The following UBE2R2 variants were observed in gnomAD, a reference collection of about 807,000 sequenced individuals.
UBE2R2 encodes ubiquitin-conjugating enzyme E2 R2.
Under a neutral mutation model 27.8 loss-of-function variants are expected in UBE2R2, and 1 was observed. That is an observed-to-expected ratio of 0.04 (90% confidence interval 0.01 to 0.17). UBE2R2 has a LOEUF of 0.17. Ranked by LOEUF, UBE2R2 falls within the 10% of genes least tolerant of loss-of-function variation. The pLI, the probability that UBE2R2 is intolerant of heterozygous loss-of-function variation, is 1.00. For synonymous variants in UBE2R2, 106 were observed against 113.3 expected, an observed-to-expected ratio of 0.94 and a Z score of 0.41; for missense variants, 100 against 291.0, an observed-to-expected ratio of 0.34 and a Z score of 4.78.
chr9:33,903,471 AG>A (rs1181597619), intron 3 of UBE2R2, among the ~76,000 whole-genome samples: 5 of 152,170 alleles, frequency 3.3e-5, no homozygotes, highest in Non-Finnish European at 7.3e-5. Context: ...GCCCCAAACA[AG>A]ATTTTCCTCA....
intron 1 of UBE2R2, among the ~76,000 whole-genome samples, chr9:33,854,785 C>G (rs1192509890): frequency 6.7e-6 from 1 of 150,304 alleles, no homozygotes; most frequent in South Asian, 2.1e-4. Flanking sequence ...GTGGCATGAT[C>G]ACAGCCCACT....
intron 1 of UBE2R2, among the ~76,000 whole-genome samples, chr9:33,883,016 G>T (rs1821764337): frequency 6.6e-6 from 1 of 152,118 alleles, no homozygotes; most frequent in African/African-American, 2.4e-5. Flanking sequence ...TTGAACCCAG[G>T]AAGTGGAAGT....
At chr9:33,905,196 A>G (rs190127942) in intron 3 of UBE2R2, among the ~76,000 whole-genome samples, 5 of 152,348 alleles carry the variant, frequency 3.3e-5, no homozygotes, top group Non-Finnish European at 7.3e-5. Context: ...TTTCAAAAAT[A>G]AAGCGTGAAA....
chr9:33,816,145 G>T (rs1314682856), upstream of UBE2R2, among the ~76,000 whole-genome samples: 1 of 152,204 alleles, frequency 6.6e-6, no homozygotes, highest in East Asian at 1.9e-4. Flanking sequence ...TTGGAACCAA[G>T]ATCTGTCTAG....
At chr9:33,868,900 C>G (rs1218397730) in intron 1 of UBE2R2, among the ~76,000 whole-genome samples, 2 of 152,140 alleles carry the variant, frequency 1.3e-5, no homozygotes, top group Non-Finnish European at 2.9e-5. Context: ...GACTAGGAAA[C>G]TTTTTCACCT....
intron 1 of UBE2R2, among the ~76,000 whole-genome samples, chr9:33,865,844 T>G (rs1366699810): frequency 1.3e-5 from 2 of 151,678 alleles, no homozygotes; most frequent in African/African-American, 2.4e-5. Context: ...TGTTTTTTTT[T>G]TTTTGAGATG....
At chr9:33,909,429 A>C (rs1822437786) in intron 3 of UBE2R2, among the ~76,000 whole-genome samples, 1 of 152,212 alleles carries the variant, frequency 6.6e-6, no homozygotes, top group African/African-American at 2.4e-5. Flanking sequence ...CGGAGGTTGC[A>C]GTGAGCCAAG....
Position 33,868,426 on chromosome 9 carries a change from A to G in UBE2R2, c.178-18455A>G, listed in dbSNP as rs897239487. The G allele has an allele frequency of 2.0e-5, 3 of 152,028 alleles. No individual in the cohort carries two copies. In the East Asian group the frequency reaches 5.8e-4, roughly 29 times the overall value. The allele number at this position is 152,028 out of a possible 1,614,324, so 9.4% of individuals were successfully genotyped here. A position where few individuals can be genotyped will look rare whatever the true frequency, so the allele number is the denominator to read the frequency against. On this transcript the variant is annotated intron_variant, in intron 1 of 4. Transcript: ENST00000263228. ...ACATTATATAGCCTTACTAGGGGGGATGTGTGTGTGTACACACACTTTTTT... is the reference window on the plus strand; with the variant it reads ...ACATTATATAGCCTTACTAGGGGGGGTGTGTGTGTGTACACACACTTTTTT...
intron 1 of UBE2R2, among the ~76,000 whole-genome samples, chr9:33,821,065 C>G (rs1397608653): frequency 6.6e-6 from 1 of 152,164 alleles, no homozygotes; most frequent in Non-Finnish European, 1.5e-5. Context: ...ATTTTGCTAC[C>G]TAAGCAAGTC....
At chr9:33,855,775 C>T (rs1365214205) in intron 1 of UBE2R2, among the ~76,000 whole-genome samples, 1 of 152,210 alleles carries the variant, frequency 6.6e-6, no homozygotes, top group Non-Finnish European at 1.5e-5. Flanking sequence ...CAGCCTGCAT[C>T]TGTTTTCATT....
At chr9:33,861,543 G>C (rs1232321105) in intron 1 of UBE2R2, among the ~76,000 whole-genome samples, 1 of 151,894 alleles carries the variant, frequency 6.6e-6, no homozygotes, top group Non-Finnish European at 1.5e-5. Flanking sequence ...AGTGAGCTGA[G>C]ATCATGCCAC....
intron 1 of UBE2R2, among the ~76,000 whole-genome samples, chr9:33,840,346 G>C (rs1004880140): frequency 6.6e-6 from 1 of 152,014 alleles, no homozygotes; most frequent in South Asian, 2.1e-4. Flanking sequence ...TTATCACCGT[G>C]TACATTCTTA....
chr9:33,841,005 A>G (rs1019806396), intron 1 of UBE2R2, among the ~76,000 whole-genome samples: 1 of 151,604 alleles, frequency 6.6e-6, no homozygotes, highest in Non-Finnish European at 1.5e-5. Flanking sequence ...ACTCACTGCA[A>G]CCTCTGCCCC....
intron 1 of UBE2R2, among the ~76,000 whole-genome samples, chr9:33,869,487 C>G (rs1821435938): frequency 6.6e-6 from 1 of 150,836 alleles, no homozygotes; most frequent in Non-Finnish European, 1.5e-5. Context: ...GCTCTTGTTG[C>G]CCAGGCTGGA....
In UBE2R2 at chr9:33,916,998, C is replaced by A. The variant is rs1397349865; in HGVS notation, c.498-20C>A. On this transcript the variant is annotated intron_variant, in intron 4 of 4. Coordinates refer to ENST00000263228, the MANE Select transcript of UBE2R2 (RefSeq NM_017811.4). ...AAAAAAGACTTACCGTAAACCATTTCTGTGTCAACCTCCCTTCAGGAAACA... is the reference window on the plus strand; with the variant it reads ...AAAAAAGACTTACCGTAAACCATTTATGTGTCAACCTCCCTTCAGGAAACA... The A allele has an allele frequency of 1.9e-6, 3 of 1,613,628 alleles. No homozygotes were observed. In the South Asian group the frequency reaches 3.3e-5, roughly 18 times the overall value.
chr9:33,840,696 A>C (rs1353078678), intron 1 of UBE2R2, among the ~76,000 whole-genome samples: 1 of 152,002 alleles, frequency 6.6e-6, no homozygotes, highest in Non-Finnish European at 1.5e-5. Context: ...TAATTTATCA[A>C]TGGTTTAAAA....
At chr9:33,847,262 A>C (rs1159696569) in intron 1 of UBE2R2, among the ~76,000 whole-genome samples, 1 of 151,656 alleles carries the variant, frequency 6.6e-6, no homozygotes, top group African/African-American at 2.4e-5. Flanking sequence ...ATGCCCGGCT[A>C]ATTTTTGTAT....
At chr9:33,893,708 C>A (rs929228177) in intron 2 of UBE2R2, among the ~76,000 whole-genome samples, 1 of 152,166 alleles carries the variant, frequency 6.6e-6, no homozygotes, top group Non-Finnish European at 1.5e-5. Context: ...TTTCAGTTCA[C>A]TGCAACCTCT....
intron 2 of UBE2R2, among the ~76,000 whole-genome samples, chr9:33,894,135 C>G (rs1285452141): frequency 6.6e-6 from 1 of 151,860 alleles, no homozygotes; most frequent in Non-Finnish European, 1.5e-5. Flanking sequence ...TGTTATTTTC[C>G]TTTTCTTTAA....
Sources: gnomAD v4.1 joint callset for allele counts (sites outside exome capture counted in the v4.1 genomes callset) on GRCh38, gnomAD v4.1.1 for gene constraint, MANE v1.5 for transcripts, NCBI Gene and HGNC (gene_info 2026-07-23, HGNC 2026-07-21) for gene names.